Variants in KIAA1671 observed in about 807,000 individuals in gnomAD.
The protein encoded by KIAA1671 is KIAA1671.
A neutral mutation model predicts 131.2 loss-of-function variants in KIAA1671; 52 were observed. The observed-to-expected ratio is 0.40, with a 90% CI of 0.32 to 0.50. The LOEUF (loss-of-function observed/expected upper bound fraction) is 0.50, where lower values mean the gene tolerates loss of function less well. Ranked by LOEUF, KIAA1671 falls within the 20% of genes least tolerant of loss-of-function variation. KIAA1671 has a pLI of 0.73. For missense variants in KIAA1671, 2,360 were observed against 2,364.2 expected, an observed-to-expected ratio of 1.00 and a Z score of 0.04; for synonymous variants, 1,003 against 961.6, an observed-to-expected ratio of 1.04 and a Z score of -0.80.
Position 25,028,770 on chromosome 22 carries a change from C to T in KIAA1671, c.771C>T (p.Gly257=). 6.4e-7 allele frequency: 1 copy of T among 1,551,234 alleles called. No individual in the cohort carries two copies. Among genetic ancestry groups the T allele is most frequent in the Middle Eastern group, 1.7e-4 (1 of 5,992 alleles). Residue 257 remains glycine, a synonymous_variant, in exon 3 of 13, where the codon GGC becomes GGT. Transcript: ENST00000358431. ...AGTCCATTCAGCCTCAGAAGCCAGGCCCCGGCGCAGCGGCCACAGTGGGCA... is the reference window on the plus strand; with the variant it reads ...AGTCCATTCAGCCTCAGAAGCCAGGTCCCGGCGCAGCGGCCACAGTGGGCA... The part of the protein sequence containing the change: ...FTESIQPQKP[G]PGAAATVGKV...
At chr22:25,166,554 CT>C (rs1233325941) in intron 6 of KIAA1671, among the ~76,000 whole-genome samples, 1 of 152,150 alleles carries the variant, frequency 6.6e-6, no homozygotes, top group Non-Finnish European at 1.5e-5. Context: ...GGGGATCCCC[CT>C]CTCTCAGGGA....
intron 1 of KIAA1671, among the ~76,000 whole-genome samples, chr22:25,002,111 G>A (rs1924510466): frequency 1.3e-5 from 2 of 152,096 alleles, no homozygotes; most frequent in Admixed American, 1.3e-4. Flanking sequence ...CCATTGTCCT[G>A]CCCTAAAAAA....
Position 25,028,287 on chromosome 22 carries a change from G to A in KIAA1671, c.288G>A (p.Gly96=). The A allele has an allele frequency of 6.4e-7, 1 of 1,551,294 alleles. No homozygotes were observed. The highest frequency in any genetic ancestry group is 8.7e-7 in the Non-Finnish European group (1 of 1,147,006). The change falls in exon 3 of 13, where the codon GGG becomes GGA. Residue 96 remains glycine (G), a synonymous_variant. Coordinates refer to ENST00000358431, the MANE Select transcript of KIAA1671 (RefSeq NM_001145206.2). ...PSSTGPSPSG[G]LSEEPAAKDL... Reference sequence around the variant, plus strand: ...CGACTGGACCTTCCCCCTCTGGGGGGCTCTCTGAGGAGCCAGCAGCAAAGG... The same window carrying A: ...CGACTGGACCTTCCCCCTCTGGGGGACTCTCTGAGGAGCCAGCAGCAAAGG...
chr22:24,965,433 A>G (rs1400626999), intron 1 of KIAA1671, among the ~76,000 whole-genome samples: 1 of 150,144 alleles, frequency 6.7e-6, no homozygotes, highest in Non-Finnish European at 1.5e-5. Context: ...AAAACGGGAG[A>G]CCTCCCCCAT....
chr22:24,996,641 G>T (rs950440636), intron 1 of KIAA1671, among the ~76,000 whole-genome samples: 1 of 152,184 alleles, frequency 6.6e-6, no homozygotes, highest in African/African-American at 2.4e-5. Context: ...TTTGGCCTCA[G>T]TCTGATCCCC....
Position 25,192,942 on chromosome 22 carries a change from TC to T in KIAA1671, c.*543del, listed in dbSNP as rs988872350. 29 of 152,116 alleles carry T rather than the reference TC, an allele frequency of 1.9e-4. No individual in the cohort carries two copies. The highest frequency in any genetic ancestry group is 7.0e-4 in the African/African-American group (29 of 41,414). The allele number at this position is 152,116 out of a possible 1,614,324, so 9.4% of individuals were successfully genotyped here. A position where few individuals can be genotyped will look rare whatever the true frequency, so the allele number is the denominator to read the frequency against. On this transcript the variant is annotated 3_prime_UTR_variant, in exon 13 of 13. Transcript: ENST00000358431. Reference sequence around the variant, plus strand: ...TTTCTATTCTTTTTTTTTGGTGAGTTCCTTCTTCCCCTTGAGGAATCAGCAG... The same window carrying T: ...TTTCTATTCTTTTTTTTTGGTGAGTTCTTCTTCCCCTTGAGGAATCAGCAG...
chr22:25,006,477 C>T (rs1602062504), intron 1 of KIAA1671, among the ~76,000 whole-genome samples: 3 of 151,906 alleles, frequency 2.0e-5, no homozygotes, highest in East Asian at 3.9e-4. Flanking sequence ...GCCTGGGGGG[C>T]GACCGAGACA....
rs1168131865 is a variant in KIAA1671, at chr22:24,976,536, C to T, written c.-208+23764C>T. Among the ~76,000 whole-genome samples, 4 of 152,188 alleles carry T rather than the reference C, an allele frequency of 2.6e-5. No individual in the cohort carries two copies. In the East Asian group the frequency reaches 7.7e-4, roughly 29 times the overall value. ...TGGGGTGCGGAAGCCCAGGAGCTGT[C>T]TGGGTGAGGCTCGAACACCCACTGG... is the stretch of plus-strand genomic sequence containing the variant. On this transcript the variant is annotated intron_variant, in intron 1 of 12. Transcript: ENST00000358431.
At chr22:25,020,586 G>C (rs1019735513) in intron 1 of KIAA1671, among the ~76,000 whole-genome samples, 1 of 152,160 alleles carries the variant, frequency 6.6e-6, no homozygotes, top group East Asian at 1.9e-4. Flanking sequence ...AACAGAGGTA[G>C]TCACCAGGTA....
intron 9 of KIAA1671, among the ~76,000 whole-genome samples, chr22:25,177,841 G>A (rs1036749721): frequency 3.3e-5 from 5 of 152,038 alleles, no homozygotes; most frequent in African/African-American, 1.2e-4. Flanking sequence ...CCACATGTGG[G>A]CAGCCTTGGG....
At chr22:25,163,548 T>G (rs1933535872) in intron 6 of KIAA1671, among the ~76,000 whole-genome samples, 1 of 150,328 alleles carries the variant, frequency 6.7e-6, no homozygotes, top group Non-Finnish European at 1.5e-5. Flanking sequence ...TTCAAGTGAT[T>G]CTCTTACCTC....
intron 1 of KIAA1671, among the ~76,000 whole-genome samples, chr22:24,997,483 T>C (rs763938442): frequency 6.6e-6 from 1 of 152,062 alleles, no homozygotes; most frequent in South Asian, 2.1e-4. Context: ...AAAGCTGACA[T>C]GTCGATGTCC....
At chr22:25,181,624 T>C (rs1021756226) in intron 9 of KIAA1671, 75 bp from the exon 10 acceptor site, 2 of 1,526,776 alleles carry the variant, frequency 1.3e-6, no homozygotes, top group Non-Finnish European at 1.8e-6. Context: ...AGATACTGTG[T>C]GCAAATTATC....
intron 5 of KIAA1671, among the ~76,000 whole-genome samples, chr22:25,048,177 C>G (rs1407270794): frequency 6.6e-6 from 1 of 152,122 alleles, no homozygotes; most frequent in Non-Finnish European, 1.5e-5. Flanking sequence ...AATCAAGACG[C>G]ATGTTTTGAG....
rs1342414433 is a variant in KIAA1671 at position 25,039,264 on chromosome 22, A to C, written c.2134A>C (p.Asn712His). 6.4e-7 allele frequency: 1 copy of C among 1,552,304 alleles called. No homozygotes were observed. The highest frequency in any genetic ancestry group is 1.4e-5 in the African/African-American group (1 of 73,184). ...RDKYPLSENH[N>H]NNTFLKHLEN... is the part of the protein sequence containing the mutation. ...CAAATACCCTTTGTCTGAAAACCAC[A>C]ATAATAACACCTTCCTCAAACACTT... is the stretch of plus-strand genomic sequence containing the variant. Residue 712 changes from asparagine (N) to histidine (H), a missense_variant, in exon 5 of 13, where the codon AAT becomes CAT. Transcript: ENST00000358431.
At chr22:25,120,023 A>G (rs1490978782) in intron 6 of KIAA1671, among the ~76,000 whole-genome samples, 2 of 152,200 alleles carry the variant, frequency 1.3e-5, no homozygotes, top group East Asian at 3.8e-4. Context: ...GAAGAACAGA[A>G]TAACAACTCT....
chr22:24,972,386 C>T (rs1364708443), intron 1 of KIAA1671, among the ~76,000 whole-genome samples: 1 of 152,148 alleles, frequency 6.6e-6, no homozygotes. Flanking sequence ...AGCTGCTTTC[C>T]ATCCATTCTT....
At chr22:24,981,203 G>A (rs1167040454) in intron 1 of KIAA1671, among the ~76,000 whole-genome samples, 1 of 152,132 alleles carries the variant, frequency 6.6e-6, no homozygotes, top group Non-Finnish European at 1.5e-5. Flanking sequence ...GTGCCGGGCA[G>A]GGGCTGGTTC....
At chr22:24,959,590 T>G (rs201308451) in intron 1 of KIAA1671, among the ~76,000 whole-genome samples, 6 of 150,036 alleles carry the variant, frequency 4.0e-5, no homozygotes, top group African/African-American at 1.5e-4. Flanking sequence ...ATATATATAT[T>G]TTTTCCTTCA....
Sources: allele counts gnomAD v4.1 joint callset (sites outside exome capture counted in the v4.1 genomes callset), GRCh38; gene constraint gnomAD v4.1.1; transcripts MANE v1.5; gene names NCBI Gene and HGNC (gene_info 2026-07-23, HGNC 2026-07-21).